The following NEDD4 variants were observed in gnomAD, a reference collection of about 807,000 sequenced individuals.
NEDD4 encodes the protein NEDD4 E3 ubiquitin protein ligase, also known as E3 ubiquitin-protein ligase NEDD4.
A neutral mutation model predicts 144.9 loss-of-function variants in NEDD4; 99 were observed. The observed-to-expected ratio is 0.68, with a 90% CI of 0.58 to 0.81. The LOEUF is 0.81. Ranked by LOEUF, NEDD4 falls within the 30% of genes least tolerant of loss-of-function variation. The pLI is 0.00. For missense variants in NEDD4, 985 were observed against 1,065.9 expected, an observed-to-expected ratio of 0.92 and a Z score of 1.06; for synonymous variants, 318 against 350.6, an observed-to-expected ratio of 0.91 and a Z score of 1.04.
At chr15:55,951,636 TA>T (rs1412595457) in intron 2 of NEDD4, 47 bp from the exon 3 acceptor site, 1 of 1,358,938 alleles carries the variant, frequency 7.4e-7, no homozygotes, top group Non-Finnish European at 9.8e-7. Context: ...AATTATTGCT[TA>T]CCCCAAGCTC....
At chr15:55,974,850 A>G (rs1444974516) in intron 1 of NEDD4, among the ~76,000 whole-genome samples, 1 of 148,252 alleles carries the variant, frequency 6.7e-6, no homozygotes, top group Non-Finnish European at 1.5e-5. Flanking sequence ...CCTTTCCTCT[A>G]TGATCTGGAA....
At chr15:55,858,786 G>A (rs1244904272) in intron 11 of NEDD4, among the ~76,000 whole-genome samples, 1 of 152,226 alleles carries the variant, frequency 6.6e-6, no homozygotes, top group African/African-American at 2.4e-5. Context: ...GAAGATGCTA[G>A]AGCAGAGGTT....
intron 4 of NEDD4, among the ~76,000 whole-genome samples, chr15:55,941,506 C>T (rs759622214): frequency 1.7e-4 from 26 of 151,854 alleles, no homozygotes; most frequent in South Asian, 8.3e-4. Context: ...GATATACATA[C>T]GTGTGTTACT....
At chr15:55,924,271 T>C (rs2036622459) in intron 5 of NEDD4, 2 of 189,478 alleles carry the variant, frequency 1.1e-5, no homozygotes, top group South Asian at 2.6e-4. Flanking sequence ...AAGGCCACTG[T>C]AGTGAGGAGG....
intron 18 of NEDD4, among the ~76,000 whole-genome samples, chr15:55,844,278 A>G (rs2033645758): frequency 6.6e-6 from 1 of 152,156 alleles, no homozygotes; most frequent in South Asian, 2.1e-4. Flanking sequence ...AATGCAGTTA[A>G]GAAGAGAGTT....
intron 2 of NEDD4, among the ~76,000 whole-genome samples, chr15:55,957,525 T>C (rs1033878251): frequency 4.6e-5 from 7 of 152,154 alleles, no homozygotes; most frequent in Admixed American, 4.6e-4. Context: ...GTCAGTTGTG[T>C]TTTCTGCTTT....
intron 5 of NEDD4, among the ~76,000 whole-genome samples, chr15:55,886,230 A>C (rs1318552515): frequency 6.6e-6 from 1 of 152,220 alleles, no homozygotes; most frequent in Non-Finnish European, 1.5e-5. Flanking sequence ...AGAGAGAGAC[A>C]GACCCCAATA....
intron 4 of NEDD4, among the ~76,000 whole-genome samples, chr15:55,945,534 T>C (rs1473411978): frequency 6.6e-6 from 1 of 151,824 alleles, no homozygotes; most frequent in African/African-American, 2.4e-5. Context: ...AACTCTATGT[T>C]TGGTGTAGCT....
chr15:55,889,789 C>T lies in NEDD4; in HGVS notation c.292-15781G>A, dbSNP rs1208837459. ...GATCTCAGCTCACCGCAACCTCCAC[C>T]TTCCAGGTTCAAGCAATTCTTGTGC... On this transcript the variant is annotated intron_variant, in intron 5 of 28. Coordinates refer to ENST00000435532, the MANE Select transcript of NEDD4 (RefSeq NM_006154.4). Among the ~76,000 whole-genome samples the T allele has an allele frequency of 2.0e-5, 3 of 152,026 alleles. No individual in the cohort carries two copies. In the East Asian group the frequency reaches 5.8e-4, roughly 29 times the overall value.
chr15:55,927,094 A>AAG (rs2036686088), intron 4 of NEDD4, among the ~76,000 whole-genome samples: 5 of 147,186 alleles, frequency 3.4e-5, no homozygotes, highest in East Asian at 2.1e-4. Context: ...AAAAAAAAAA[A>AAG]AAAAAGAAAG....
intron 5 of NEDD4, chr15:55,916,829 C>T (rs752338683): frequency 9.5e-6 from 15 of 1,585,694 alleles, no homozygotes; most frequent in African/African-American, 2.7e-5. Flanking sequence ...AGCTTTGTGC[C>T]ATTTGTTCTC....
At chr15:55,975,451 G>GTAT in intron 1 of NEDD4, among the ~76,000 whole-genome samples, 1 of 152,046 alleles carries the variant, frequency 6.6e-6, no homozygotes, top group South Asian at 2.1e-4. Context: ...AAGAAACAAG[G>GTAT]TATTAAATCA....
chr15:55,951,339 A>G, intron 4 of NEDD4, 37 bp downstream of exon 4: 1 of 811,772 alleles, frequency 1.2e-6, no homozygotes, highest in Non-Finnish European at 1.9e-6. Context: ...AAAAAAACTT[A>G]CTTTTTCCAC....
At position 55,916,412 on chromosome 15, in the gene NEDD4, A is replaced by T. The variant is rs1052401602; in HGVS notation, c.291+8234T>A. On this transcript the variant is annotated intron_variant, in intron 5 of 28. Transcript: ENST00000435532. ...CACTACAAATGGCTGGACTGCTTAC[A>T]AGGTGACCATCATTCACAGCATTCA... The T allele has an allele frequency of 4.3e-6, 7 of 1,614,078 alleles. No homozygotes were observed. In the South Asian group the frequency reaches 7.7e-5, roughly 18 times the overall value.
At chr15:55,842,481 G>C (rs2033560099) in intron 18 of NEDD4, among the ~76,000 whole-genome samples, 1 of 152,268 alleles carries the variant, frequency 6.6e-6, no homozygotes, top group Admixed American at 6.5e-5. Flanking sequence ...CGACCTCATG[G>C]GCTCAAGTGA....
intron 18 of NEDD4, among the ~76,000 whole-genome samples, chr15:55,845,585 A>G (rs2033706021): frequency 6.6e-6 from 1 of 151,832 alleles, no homozygotes; most frequent in Non-Finnish European, 1.5e-5. Context: ...TGCTGCCTGG[A>G]AGACATTAAT....
intron 5 of NEDD4, among the ~76,000 whole-genome samples, chr15:55,900,121 T>C (rs2035867537): frequency 1.3e-5 from 2 of 151,942 alleles, no homozygotes; most frequent in African/African-American, 4.8e-5. Context: ...AAGGTTGAGA[T>C]AAGCTTTTTA....
At chr15:55,889,940 C>T (rs1434392524) in intron 5 of NEDD4, among the ~76,000 whole-genome samples, 3 of 152,016 alleles carry the variant, frequency 2.0e-5, no homozygotes, top group Non-Finnish European at 4.4e-5. Flanking sequence ...TGAGCTCAGG[C>T]AATCTGCCCA....
At chr15:55,901,958 A>C (rs2035927148) in intron 5 of NEDD4, among the ~76,000 whole-genome samples, 1 of 152,146 alleles carries the variant, frequency 6.6e-6, no homozygotes, top group Non-Finnish European at 1.5e-5. Context: ...AAAAGCTATA[A>C]TAGGAACTAA....
Sources: allele counts gnomAD v4.1 joint callset (sites outside exome capture counted in the v4.1 genomes callset), GRCh38; gene constraint gnomAD v4.1.1; transcripts MANE v1.5; gene names NCBI Gene and HGNC (gene_info 2026-07-23, HGNC 2026-07-21).